The following LRRC4C variants were observed in gnomAD, a reference collection of about 807,000 sequenced individuals.
The protein encoded by LRRC4C is leucine rich repeat containing 4C.
A neutral mutation model predicts 33.6 loss-of-function variants in LRRC4C; 5 were observed. That is an observed-to-expected ratio of 0.15 (90% CI 0.08 to 0.31). The LOEUF (loss-of-function observed/expected upper bound fraction) is 0.31, where lower values mean the gene tolerates loss of function less well. LRRC4C is among the 10% of genes least tolerant of loss of function. LRRC4C has a pLI of 1.00. For missense variants in LRRC4C, 560 were observed against 796.7 expected (o/e 0.70, Z 3.58); for synonymous variants, 329 against 302.0 (o/e 1.09, Z -0.93).
At chr11:41,065,777 C>T (rs1938189068) in intron 1 of LRRC4C, among the ~76,000 whole-genome samples, 1 of 152,178 alleles carries the variant, frequency 6.6e-6, no homozygotes, top group Non-Finnish European at 1.5e-5. Flanking sequence ...CGAACAGGGT[C>T]TGGAGTGGAC....
At chr11:40,460,390 C>T (rs1952338439) in intron 3 of LRRC4C, among the ~76,000 whole-genome samples, 2 of 151,824 alleles carry the variant, frequency 1.3e-5, no homozygotes, top group South Asian at 2.1e-4. Context: ...AAAAAACAAA[C>T]ATGGCATGAC....
chr11:41,411,142 A>T (rs1382867261), intron 1 of LRRC4C, among the ~76,000 whole-genome samples: 409 of 57,170 alleles, frequency 7.2e-3, no homozygotes, highest in African/African-American at 0.015. Context: ...TTGGTACCCT[A>T]TTTTTTTTTT....
intron 2 of LRRC4C, among the ~76,000 whole-genome samples, chr11:40,702,875 G>A (rs964577501): frequency 6.6e-6 from 1 of 152,026 alleles, no homozygotes; most frequent in Non-Finnish European, 1.5e-5. Context: ...TCATCCCCCT[G>A]TGTGAAAAGG....
Position 41,411,142 on chromosome 11 carries a change from A to ATTTTTTTTTTTTTTTT in LRRC4C, c.-496+48273_-496+48288dup, listed in dbSNP as rs370574515. 1.8e-3 allele frequency among the ~76,000 whole-genome samples: 102 copies of ATTTTTTTTTTTTTTTT among 57,210 alleles called. 18 individuals carry two copies. The highest frequency in any genetic ancestry group is 7.7e-3 in the African/African-American group (66 of 8,604). The allele number at this position is 57,210 out of a possible 152,430, so 37.5% of individuals were successfully genotyped here. ...ATGAGAAACACTTGGTTGGTACCCT[A>ATTTTTTTTTTTTTTTT]TTTTTTTTTTTTTTTTTTTTTTTTG... On this transcript the variant is annotated intron_variant, in intron 1 of 6. Transcript: ENST00000528697.
chr11:41,192,330 G>GTGTA (rs1186589295), intron 1 of LRRC4C, among the ~76,000 whole-genome samples: 3 of 151,284 alleles, frequency 2.0e-5, no homozygotes, highest in African/African-American at 7.3e-5. Context: ...AAATGTGTGT[G>GTGTA]TGTGTGTGTG....
intron 1 of LRRC4C, among the ~76,000 whole-genome samples, chr11:41,378,199 T>G (rs1262285302): frequency 6.6e-6 from 1 of 151,508 alleles, no homozygotes; most frequent in African/African-American, 2.4e-5. Flanking sequence ...AAAAGGCCAG[T>G]AGGACTTTAA....
Position 41,136,431 on chromosome 11 carries a change from T to C in LRRC4C, c.-495-202708A>G, listed in dbSNP as rs549676768. ...GATGGGGAAATGCTGGAAATACAAC[T>C]AGAGGGATAAAGAATACAACAGTTT... On this transcript the variant is annotated intron_variant, in intron 1 of 6. Transcript: ENST00000528697. Among the ~76,000 whole-genome samples, 6 of 152,156 alleles carry C rather than the reference T, an allele frequency of 3.9e-5. No homozygotes were observed. The South Asian group carries it at 8.3e-4, about 21-fold the overall frequency.
At chr11:41,083,881 A>G (rs1414489104) in intron 1 of LRRC4C, among the ~76,000 whole-genome samples, 1 of 152,180 alleles carries the variant, frequency 6.6e-6, no homozygotes, top group Admixed American at 6.5e-5. Flanking sequence ...TTTTTTGGCA[A>G]ATAGGTAGAG....
chr11:40,786,630 C>A (rs1235323916), intron 2 of LRRC4C, among the ~76,000 whole-genome samples: 1 of 152,058 alleles, frequency 6.6e-6, no homozygotes, highest in Non-Finnish European at 1.5e-5. Flanking sequence ...AAGACTTGGC[C>A]AAACATAATA....
At chr11:40,579,803 CATTT>C (rs527818678) in intron 3 of LRRC4C, among the ~76,000 whole-genome samples, 44 of 152,160 alleles carry the variant, frequency 2.9e-4, no homozygotes, top group Non-Finnish European at 6.0e-4. Flanking sequence ...TCTTCTACTT[CATTT>C]ATTTATTTAT....
intron 3 of LRRC4C, among the ~76,000 whole-genome samples, chr11:40,597,714 G>A (rs1959501326): frequency 6.6e-6 from 1 of 152,140 alleles, no homozygotes; most frequent in African/African-American, 2.4e-5. Context: ...CTAGTAAAGA[G>A]GGCTTAAGGA....
chr11:40,530,261 G>A (rs1411351671), intron 3 of LRRC4C, among the ~76,000 whole-genome samples: 2 of 152,068 alleles, frequency 1.3e-5, no homozygotes, highest in Non-Finnish European at 2.9e-5. Flanking sequence ...TAAGCAGGAT[G>A]TTTAATCATT....
At chr11:41,444,146 T>C (rs1205432737) in intron 1 of LRRC4C, among the ~76,000 whole-genome samples, 1 of 152,058 alleles carries the variant, frequency 6.6e-6, no homozygotes, top group Non-Finnish European at 1.5e-5. Flanking sequence ...AACATGGTGG[T>C]TTGAAGAGAA....
At chr11:40,134,655 C>A (rs1265417238) in intron 6 of LRRC4C, among the ~76,000 whole-genome samples, 1 of 152,166 alleles carries the variant, frequency 6.6e-6, no homozygotes, top group Non-Finnish European at 1.5e-5. Flanking sequence ...CTGGGTTAGG[C>A]TCTGACTTTT....
chr11:41,387,962 A>T (rs999114105), intron 1 of LRRC4C, among the ~76,000 whole-genome samples: 1 of 151,942 alleles, frequency 6.6e-6, no homozygotes, highest in East Asian at 1.9e-4. Context: ...ATATCTTTTT[A>T]AAAAGCTTCT....
rs144613064 is a variant in LRRC4C, at chr11:40,551,635, C to T, written c.-270+96507G>A. The stretch of plus-strand genomic sequence containing the variant: ...ATCTGCCTCCACCCCACTCCTTTTC[C>T]ATATGGCTTCTCACATTGTAAATTA... On this transcript the variant is annotated intron_variant, in intron 3 of 6. Transcript: ENST00000528697. Among the ~76,000 whole-genome samples, 52 of 152,304 alleles carry T rather than the reference C, an allele frequency of 3.4e-4. No individual in the cohort carries two copies. In the East Asian group the frequency reaches 8.7e-3, roughly 25 times the overall value.
intron 1 of LRRC4C, among the ~76,000 whole-genome samples, chr11:41,062,969 A>G (rs1937906615): frequency 6.6e-6 from 1 of 152,146 alleles, no homozygotes; most frequent in Admixed American, 6.5e-5. Context: ...GCTTCTGCTT[A>G]CATTTTGATT....
At chr11:40,806,015 C>A (rs369713282) in intron 2 of LRRC4C, among the ~76,000 whole-genome samples, 1 of 152,100 alleles carries the variant, frequency 6.6e-6, no homozygotes, top group African/African-American at 2.4e-5. Context: ...CCAAATGGCC[C>A]CTAATGTCCC....
intron 1 of LRRC4C, among the ~76,000 whole-genome samples, chr11:41,168,847 G>T (rs1034051158): frequency 6.6e-6 from 1 of 152,196 alleles, no homozygotes; most frequent in Admixed American, 6.5e-5. Context: ...CATCACGGAA[G>T]TTCAATCACT....
Sources: gnomAD v4.1 joint callset for allele counts (sites outside exome capture counted in the v4.1 genomes callset) on GRCh38, gnomAD v4.1.1 for gene constraint, MANE v1.5 for transcripts, NCBI Gene and HGNC (gene_info 2026-07-23, HGNC 2026-07-21) for gene names.